HS3ST5: variants seen among roughly 807,000 people sequenced by gnomAD.
HS3ST5 encodes heparan sulfate glucosamine 3-O-sulfotransferase 5.
In HS3ST5, 10 loss-of-function variants were observed where a neutral mutation model predicts 25.4. The observed-to-expected ratio is 0.39, with a 90% CI of 0.24 to 0.67. The LOEUF (loss-of-function observed/expected upper bound fraction) is 0.67. Among genes scored for constraint, HS3ST5 ranks in the 30% least tolerant of loss-of-function variants. The pLI, the probability that HS3ST5 is intolerant of heterozygous loss-of-function variation, is 0.44. For synonymous variants in HS3ST5, 170 were observed against 162.4 expected (o/e 1.05, Z -0.36); for missense variants, 324 against 420.7 (o/e 0.77, Z 2.01).
chr6:114,122,755 A>G (rs1266067384), intron 3 of HS3ST5, among the ~76,000 whole-genome samples: 3 of 152,152 alleles, frequency 2.0e-5, no homozygotes, highest in African/African-American at 7.2e-5. Flanking sequence ...GTTATAGGTA[A>G]AGTGTGAGGA....
At chr6:114,081,358 TA>T (rs61563601) in intron 3 of HS3ST5, among the ~76,000 whole-genome samples, 2,164 of 143,312 alleles carry the variant, frequency 0.015, 48 homozygotes, top group African/African-American at 0.051. Context: ...CATCTTTAAT[TA>T]AAAAAAAAAA....
chr6:114,080,024 G>A (rs118120272), intron 3 of HS3ST5, among the ~76,000 whole-genome samples: 4,116 of 152,156 alleles, frequency 0.027, 79 homozygotes, highest in Non-Finnish European at 0.042. Context: ...TGATCCGCCC[G>A]CCCCAGCCTT....
At position 114,198,794 on chromosome 6, in the gene HS3ST5, C is replaced by G. The variant is rs551115378; in HGVS notation, c.-145+29791G>C. 2.6e-5 allele frequency among the ~76,000 whole-genome samples: 4 copies of G among 151,948 alleles called. No individual in the cohort carries two copies. The East Asian group carries it at 7.7e-4, about 29-fold the overall frequency. On this transcript the variant is annotated intron_variant, in intron 2 of 4. Transcript: ENST00000312719. Reference sequence around the variant, plus strand: ...TAATGGAAATATCTGCTACTTAGTACAAGTTTTTTTTTTAATAAATGCATT... The same window carrying G: ...TAATGGAAATATCTGCTACTTAGTAGAAGTTTTTTTTTTAATAAATGCATT...
At chr6:114,246,122 C>G in intron 1 of HS3ST5, among the ~76,000 whole-genome samples, 1 of 152,172 alleles carries the variant, frequency 6.6e-6, no homozygotes, top group East Asian at 1.9e-4. Context: ...GCACTCTACA[C>G]ACATAATGCT....
intron 1 of HS3ST5, among the ~76,000 whole-genome samples, chr6:114,287,533 T>C (rs1276097073): frequency 6.6e-6 from 1 of 152,080 alleles, no homozygotes; most frequent in Non-Finnish European, 1.5e-5. Flanking sequence ...TTATAACCTG[T>C]TGTTTAATCC....
chr6:114,192,319 C>T (rs182223245), intron 2 of HS3ST5, among the ~76,000 whole-genome samples: 6 of 152,232 alleles, frequency 3.9e-5, no homozygotes, highest in Admixed American at 2.6e-4. Context: ...CTCATTTAAT[C>T]TTCTTAATAA....
At chr6:114,157,956 C>G (rs1405678172) in intron 3 of HS3ST5, among the ~76,000 whole-genome samples, 2 of 152,140 alleles carry the variant, frequency 1.3e-5, no homozygotes, top group Non-Finnish European at 2.9e-5. Flanking sequence ...CATTCTTGTT[C>G]CTGTACAACC....
At chr6:114,157,535 T>C (rs1778755782) in intron 3 of HS3ST5, among the ~76,000 whole-genome samples, 2 of 152,182 alleles carry the variant, frequency 1.3e-5, no homozygotes, top group Admixed American at 6.5e-5. Context: ...TGGTTAATAA[T>C]AGTGTACTGT....
At position 114,057,018 on chromosome 6, in the gene HS3ST5, C is replaced by T. The variant is rs1236137544; in HGVS notation, c.*239G>A. The T allele has an allele frequency of 1.8e-5, 7 of 397,132 alleles. No homozygotes were observed. The highest frequency in any genetic ancestry group is 3.1e-5 in the Non-Finnish European group (7 of 224,264). 24.6% of individuals were successfully genotyped at this position (397,132 alleles called of 1,614,324 possible). On this transcript the variant is annotated 3_prime_UTR_variant, in exon 5 of 5. Transcript: ENST00000312719. ...TGAAGTCACTTTCCCCCAATACCAC[C>T]ACCTCTTCTCTTTTGTAAATAGCTT...
chr6:114,067,511 C>A lies in HS3ST5; in HGVS notation c.-32-4634G>T, dbSNP rs114961991. 7.1e-4 allele frequency among the ~76,000 whole-genome samples: 108 copies of A among 152,228 alleles called. 3 individuals are homozygous for A. Among genetic ancestry groups the A allele is most frequent in the African/African-American group, 2.5e-3 (102 of 41,544 alleles). ...TCTGGTATATACTAGGCTATTAAACCTAACTCTCGCTTTATGATAAACCCA... is the reference window on the plus strand; with the variant it reads ...TCTGGTATATACTAGGCTATTAAACATAACTCTCGCTTTATGATAAACCCA... On this transcript the variant is annotated intron_variant, in intron 3 of 4. Coordinates refer to ENST00000312719, the MANE Select transcript of HS3ST5 (RefSeq NM_153612.4).
chr6:114,198,981 T>G (rs976004232), intron 2 of HS3ST5, among the ~76,000 whole-genome samples: 2 of 152,148 alleles, frequency 1.3e-5, no homozygotes, highest in Middle Eastern at 3.4e-3. Flanking sequence ...CACAAACATT[T>G]TACAAACTTA....
intron 2 of HS3ST5, among the ~76,000 whole-genome samples, chr6:114,197,652 T>C (rs1780826525): frequency 6.6e-6 from 1 of 151,946 alleles, no homozygotes; most frequent in Admixed American, 6.6e-5. Context: ...CCTTTTGGAG[T>C]CCTCAGCATC....
rs1336038118 is a variant in HS3ST5 at position 114,342,331 on chromosome 6, T to C, written c.-475A>G. On this transcript the variant is annotated 5_prime_UTR_variant, in exon 1 of 5. Transcript: ENST00000312719. ...GTAGTTTCGGATGCCCGGGCTAGGC[T>C]CGGCGGAGAGCGAGTCGGCGTGAAT... The C allele has an allele frequency of 6.5e-6, 1 of 154,798 alleles. No homozygotes were observed. Among genetic ancestry groups the C allele is most frequent in the Non-Finnish European group, 1.4e-5 (1 of 69,922 alleles). 9.6% of individuals were successfully genotyped at this position (154,798 alleles called of 1,614,324 possible). A position where few individuals can be genotyped will look rare whatever the true frequency, so the allele number is the denominator to read the frequency against.
intron 3 of HS3ST5, among the ~76,000 whole-genome samples, chr6:114,108,331 C>A (rs1486581576): frequency 6.6e-6 from 1 of 152,176 alleles, no homozygotes; most frequent in Non-Finnish European, 1.5e-5. Flanking sequence ...AAATACAGAA[C>A]TAGACAGCAA....
At chr6:114,075,901 G>A (rs1014385553) in intron 3 of HS3ST5, among the ~76,000 whole-genome samples, 1 of 152,040 alleles carries the variant, frequency 6.6e-6, no homozygotes, top group South Asian at 2.1e-4. Context: ...ACTGAAAATG[G>A]TGTCTGCCTT....
At chr6:114,174,470 A>G (rs1278081382) in intron 2 of HS3ST5, among the ~76,000 whole-genome samples, 3 of 151,968 alleles carry the variant, frequency 2.0e-5, no homozygotes, top group African/African-American at 7.2e-5. Context: ...TCTCAAAAAA[A>G]CTCCTTTAAA....
intron 2 of HS3ST5, among the ~76,000 whole-genome samples, chr6:114,216,728 T>A (rs1233281394): frequency 3.3e-5 from 3 of 90,160 alleles, no homozygotes; most frequent in Non-Finnish European, 4.2e-5. Flanking sequence ...TCGTCCTCCT[T>A]AAAAAAAAAA....
chr6:114,245,747 A>G (rs1772348239), intron 1 of HS3ST5, among the ~76,000 whole-genome samples: 1 of 152,220 alleles, frequency 6.6e-6, no homozygotes, highest in South Asian at 2.1e-4. Flanking sequence ...AACCTCATAC[A>G]AACAGCAGAC....
intron 1 of HS3ST5, among the ~76,000 whole-genome samples, chr6:114,341,151 G>C (rs1159862520): frequency 6.8e-6 from 1 of 147,158 alleles, no homozygotes; most frequent in South Asian, 2.3e-4. Flanking sequence ...AGAGAGGAGA[G>C]GGGGAGAGAG....
Sources: gnomAD v4.1 joint callset for allele counts (sites outside exome capture counted in the v4.1 genomes callset) on GRCh38, gnomAD v4.1.1 for gene constraint, MANE v1.5 for transcripts, NCBI Gene and HGNC (gene_info 2026-07-23, HGNC 2026-07-21) for gene names.